Variants in SMARCA2 observed in about 807,000 individuals in gnomAD.
SMARCA2 encodes SWI/SNF-related matrix-associated actin-dependent regulator of chromatin subfamily A member 2.
Under a neutral mutation model 199.8 loss-of-function variants are expected in SMARCA2, and 61 were observed. The ratio of observed to expected loss-of-function variants is 0.31; its 90% CI spans 0.25 to 0.38. The LOEUF is 0.38. Among genes scored for constraint, SMARCA2 ranks in the 10% least tolerant of loss-of-function variants. The probability of loss-of-function intolerance (pLI) is 1.00; values close to 1 mark genes in which losing one functional copy is unlikely to be tolerated. For missense variants in SMARCA2, 1,344 were observed against 2,012.2 expected (o/e 0.67, Z 6.35); for synonymous variants, 935 against 732.0 (o/e 1.28, Z -4.48).
rs1365647420 is a variant in SMARCA2 at position 2,039,065 on chromosome 9, G to A, written c.356-401G>A. 5.9e-5 allele frequency among the ~76,000 whole-genome samples: 9 copies of A among 152,120 alleles called. No individual in the cohort carries two copies. The highest frequency in any genetic ancestry group is 5.9e-4 in the Admixed American group (9 of 15,272). Reference sequence around the variant, plus strand: ...CATGTAGCTATTGATCACTTGAAGTGTGGTTAGTTCGAATTGAGATGTCCT... The same window carrying A: ...CATGTAGCTATTGATCACTTGAAGTATGGTTAGTTCGAATTGAGATGTCCT... On this transcript the variant is annotated intron_variant, in intron 3 of 33. Transcript: ENST00000349721. The surrounding 1 kb of genome is among the most constrained non-coding windows in gnomAD (Gnocchi z 4.8).
intron 14 of SMARCA2, chr9:2,079,881 T>G (rs1250213059): frequency 6.6e-6 from 1 of 152,238 alleles, no homozygotes; most frequent in African/African-American, 2.4e-5. Context: ...CTAAGCAGTC[T>G]TCATCACTCT....
chr9:2,191,491 C>G, intron 33 of SMARCA2, 83 bp downstream of exon 33: 1 of 1,459,770 alleles, frequency 6.9e-7, no homozygotes, highest in Non-Finnish European at 9.4e-7. Flanking sequence ...CCCCTTCAGC[C>G]TTTTCGCTTT....
At chr9:2,046,052 C>T (rs936160117) in intron 4 of SMARCA2, 7 of 152,188 alleles carry the variant, frequency 4.6e-5, no homozygotes, top group African/African-American at 9.6e-5. Context: ...ATTATTAAAT[C>T]GCTCTGAAGT....
intron 24 of SMARCA2, among the ~76,000 whole-genome samples, chr9:2,114,679 A>G (rs1823142885): frequency 6.6e-6 from 1 of 152,214 alleles, no homozygotes; most frequent in African/African-American, 2.4e-5. Flanking sequence ...ATTCTGTTTC[A>G]TGGGCTCATG....
At chr9:2,183,811 C>A (rs1410139003) in intron 31 of SMARCA2, among the ~76,000 whole-genome samples, 1 of 152,156 alleles carries the variant, frequency 6.6e-6, no homozygotes, top group East Asian at 1.9e-4. Context: ...GAAGAATCAA[C>A]AAAGAAGGTT....
intron 10 of SMARCA2, 52 bp from the exon 11 acceptor site, chr9:2,073,160 C>T (rs1388458177): frequency 1.2e-6 from 2 of 1,607,954 alleles, no homozygotes; most frequent in Non-Finnish European, 1.7e-6. Context: ...CAGTACAGGA[C>T]TGGGGGAAGG....
At chr9:2,116,412 G>A (rs1823219656) in intron 25 of SMARCA2, among the ~76,000 whole-genome samples, 2 of 152,104 alleles carry the variant, frequency 1.3e-5, no homozygotes, top group Non-Finnish European at 2.9e-5. Context: ...AAATGGAAGG[G>A]GTCCTCTTTC....
rs528422876 is a variant in SMARCA2 at position 2,147,715 on chromosome 9, C to T, written c.3982-13971C>T. Among the ~76,000 whole-genome samples the T allele has an allele frequency of 8.2e-5, 12 of 146,942 alleles. No individual in the cohort carries two copies. In the East Asian group the frequency reaches 1.4e-3, roughly 17 times the overall value. ...ACGAAAATTAGCGGGGCGTGGTGGG[C>T]GGGCACTTGTAATCCCAGCTACTTG... On this transcript the variant is annotated intron_variant, in intron 27 of 33. Transcript: ENST00000349721.
At chr9:2,192,512 G>T in intron 33 of SMARCA2, 192 bp from the exon 34 acceptor site, 1 of 621,766 alleles carries the variant, frequency 1.6e-6, no homozygotes, top group South Asian at 1.9e-5. Context: ...GGGTTTTTCA[G>T]TAAGAAAAAC....
chr9:2,116,760 A>AT (rs1343315751), intron 25 of SMARCA2, among the ~76,000 whole-genome samples: 5 of 152,236 alleles, frequency 3.3e-5, no homozygotes, highest in African/African-American at 1.2e-4. Context: ...TTTGAAGTAG[A>AT]TTTTTAAACG....
intron 19 of SMARCA2, among the ~76,000 whole-genome samples, chr9:2,095,373 C>T (rs557217100): frequency 1.3e-5 from 2 of 151,852 alleles, no homozygotes; most frequent in Admixed American, 6.6e-5. Flanking sequence ...CGTGAGCCAC[C>T]GCACCGGGCC....
intron 28 of SMARCA2, among the ~76,000 whole-genome samples, chr9:2,163,652 A>G (rs71490205): frequency 1.3e-5 from 2 of 152,194 alleles, no homozygotes; most frequent in Admixed American, 6.5e-5. Flanking sequence ...CCTTTGTCTC[A>G]GGAGAGTGTA....
At chr9:2,151,945 C>G (rs1382248410) in intron 27 of SMARCA2, among the ~76,000 whole-genome samples, 1 of 151,692 alleles carries the variant, frequency 6.6e-6, no homozygotes, top group East Asian at 1.9e-4. Flanking sequence ...AGTATTCAGG[C>G]CAAAGTGTTT....
At position 2,099,349 on chromosome 9, in the gene SMARCA2, C is replaced by T. The variant is rs185968213; in HGVS notation, c.3078+1878C>T. Among the ~76,000 whole-genome samples, 10 of 152,264 alleles carry T rather than the reference C, an allele frequency of 6.6e-5. No homozygotes were observed. In the East Asian group the frequency reaches 1.5e-3, roughly 24 times the overall value. ...ACAATTTTAAGACATGTATGGTAAT[C>T]TATGGGGGCCTTTGGGGACTTAGGA... is the stretch of plus-strand genomic sequence containing the variant. On this transcript the variant is annotated intron_variant, in intron 21 of 33. Coordinates refer to ENST00000349721, the MANE Select transcript of SMARCA2 (RefSeq NM_003070.5).
chr9:2,064,960 G>A (rs1261494630), intron 9 of SMARCA2, among the ~76,000 whole-genome samples: 5 of 152,300 alleles, frequency 3.3e-5, no homozygotes, highest in Admixed American at 6.5e-5. Context: ...CGAGGCGGGC[G>A]GATCACGAAG....
intron 32 of SMARCA2, 76 bp from the exon 33 acceptor site, chr9:2,191,190 G>A: frequency 1.4e-6 from 2 of 1,389,824 alleles, no homozygotes; most frequent in Non-Finnish European, 2.0e-6. Flanking sequence ...CTGTAGGTTG[G>A]TGATAGTCTT....
chr9:2,119,922 C>T lies in SMARCA2; in HGVS notation c.3762+387C>T, dbSNP rs984183349. 6.6e-6 allele frequency among the ~76,000 whole-genome samples: 1 copy of T among 152,210 alleles called. No homozygotes were observed. Among genetic ancestry groups the T allele is most frequent in the African/African-American group, 2.4e-5 (1 of 41,444 alleles). On this transcript the variant is annotated intron_variant, in intron 26 of 33. Coordinates refer to ENST00000349721, the MANE Select transcript of SMARCA2 (RefSeq NM_003070.5). The surrounding 1 kb of genome is among the most constrained non-coding windows in gnomAD (Gnocchi z 4.6). ...ACGCCCTCCTGTTCCCAGTTCGTTTCTAATCCCAGGCCAGTGTCATTCAGG... is the reference window on the plus strand; with the variant it reads ...ACGCCCTCCTGTTCCCAGTTCGTTTTTAATCCCAGGCCAGTGTCATTCAGG...
rs768188463 is a variant in SMARCA2, at chr9:2,115,582, G to T, written c.3457-240G>T. Among the ~76,000 whole-genome samples, 1 of 152,148 alleles carries T rather than the reference G, an allele frequency of 6.6e-6. No individual in the cohort carries two copies. The highest frequency in any genetic ancestry group is 1.5e-5 in the Non-Finnish European group (1 of 68,024). ...ACAGATAAAAACAATATGATACCTGGATTTCAAAACCTGAGATGTATTTCA... is the reference window on the plus strand; with the variant it reads ...ACAGATAAAAACAATATGATACCTGTATTTCAAAACCTGAGATGTATTTCA... On this transcript the variant is annotated intron_variant, in intron 24 of 33. Coordinates refer to ENST00000349721, the MANE Select transcript of SMARCA2 (RefSeq NM_003070.5). This position sits in a 1 kb window ranked among gnomAD's most constrained non-coding sequence, Gnocchi z 6.0.
intron 32 of SMARCA2, among the ~76,000 whole-genome samples, chr9:2,188,170 T>C (rs188911116): frequency 6.6e-5 from 10 of 152,276 alleles, no homozygotes; most frequent in Admixed American, 5.9e-4. Context: ...AGGGTTTTTC[T>C]ACAGCAACAT....
Sources: allele counts gnomAD v4.1 joint callset (sites outside exome capture counted in the v4.1 genomes callset), GRCh38; gene constraint gnomAD v4.1.1; non-coding constraint Gnocchi (gnomAD v3.1); transcripts MANE v1.5; gene names NCBI Gene and HGNC (gene_info 2026-07-23, HGNC 2026-07-21).